The following PTPN22 variants were observed in gnomAD, a reference collection of about 807,000 sequenced individuals.
The protein encoded by PTPN22 is protein tyrosine phosphatase non-receptor type 22, also known as tyrosine-protein phosphatase non-receptor type 22.
PTPN22 carries 85 observed loss-of-function variants against 103.3 expected under a neutral mutation model. The observed-to-expected ratio is 0.82, with a 90% confidence interval of 0.69 to 0.99. The LOEUF (loss-of-function observed/expected upper bound fraction) is 0.99, where lower values mean the gene tolerates loss of function less well. PTPN22 is among the 50% of genes least tolerant of loss of function. PTPN22 has a pLI of 0.00. For missense variants in PTPN22, 865 were observed against 936.9 expected (o/e 0.92, Z 1.00); for synonymous variants, 323 against 310.2 (o/e 1.04, Z -0.43).
chr1:113,861,110 C>T (rs1323727379), intron 1 of PTPN22, among the ~76,000 whole-genome samples: 1 of 152,180 alleles, frequency 6.6e-6, no homozygotes, highest in East Asian at 1.9e-4. Context: ...AGCAAAACAT[C>T]ACACAGGAAA....
chr1:113,855,088 G>A lies in PTPN22; in HGVS notation c.541-39C>T, dbSNP rs781455272. 10 of 1,552,112 alleles carry A rather than the reference G, an allele frequency of 6.4e-6. No homozygotes were observed. The Admixed American group carries it at 1.7e-4, about 26-fold the overall frequency. ...CCAGATGGGAGGGGAAGAGGGGCAA[G>A]GGCTGAAAAACCACCTATTGGGTAT... is the stretch of plus-strand genomic sequence containing the variant. On this transcript the variant is annotated intron_variant, in intron 7 of 20. Transcript: ENST00000359785.
intron 1 of PTPN22, among the ~76,000 whole-genome samples, chr1:113,868,220 T>A (rs1190227503): frequency 1.3e-5 from 2 of 152,144 alleles, no homozygotes; most frequent in African/African-American, 4.8e-5. Context: ...GAGACTGAAA[T>A]CTGAACCATG....
At chr1:113,844,504 T>C (rs1663880433) in intron 11 of PTPN22, among the ~76,000 whole-genome samples, 2 of 152,174 alleles carry the variant, frequency 1.3e-5, no homozygotes, top group Admixed American at 1.3e-4. Flanking sequence ...TCTATTATTG[T>C]TTCCAATTTC....
chr1:113,862,254 G>A (rs1665678734), intron 1 of PTPN22, among the ~76,000 whole-genome samples: 1 of 152,062 alleles, frequency 6.6e-6, no homozygotes, highest in Non-Finnish European at 1.5e-5. Flanking sequence ...CTGCACTCCA[G>A]CCTGGGTGAC....
At chr1:113,853,639 A>T (rs1379884217) in intron 9 of PTPN22, among the ~76,000 whole-genome samples, 1 of 151,004 alleles carries the variant, frequency 6.6e-6, no homozygotes, top group Non-Finnish European at 1.5e-5. Context: ...GTGAGCCACC[A>T]TGCCCGGCCA....
chr1:113,838,449 A>G (rs1206968655), intron 12 of PTPN22, 42 bp from the exon 13 acceptor site: 2 of 1,584,902 alleles, frequency 1.3e-6, no homozygotes, highest in East Asian at 2.2e-5. Flanking sequence ...CATACCCCAA[A>G]CAGGCCGCTT....
rs747079113 is a variant in PTPN22, at chr1:113,819,575, A to T, written c.2359+2T>A. Reference sequence around the variant, plus strand: ...AACTCTTCAGTAAAATAACACACATACCAAAATTCAGAAATGAGCTGGAGT... The same window carrying T: ...AACTCTTCAGTAAAATAACACACATTCCAAAATTCAGAAATGAGCTGGAGT... On this transcript the variant is annotated splice_donor_variant, in intron 20 of 20. Coordinates refer to ENST00000359785, the Ensembl canonical transcript of PTPN22. LOFTEE classifies it high-confidence loss of function. 5.6e-6 allele frequency: 9 copies of T among 1,595,914 alleles called. No homozygotes were observed. In the East Asian group the frequency reaches 1.8e-4, roughly 32 times the overall value.
chr1:113,864,078 T>C (rs1041092780), intron 1 of PTPN22: 1 of 334,948 alleles, frequency 3.0e-6, no homozygotes. Flanking sequence ...ACCATTGCAC[T>C]CTGGTCTGGG....
At chr1:113,858,027 T>C (rs1665226207) in intron 4 of PTPN22, 1 of 296,780 alleles carries the variant, frequency 3.4e-6, no homozygotes, top group African/African-American at 2.2e-5. Flanking sequence ...GTAAGAACTT[T>C]CTCATTTTTA....
At chr1:113,857,958 C>T (rs1665219855) in intron 4 of PTPN22, 182 bp from the exon 5 acceptor site, 1 of 487,378 alleles carries the variant, frequency 2.1e-6, no homozygotes, top group East Asian at 3.5e-5. Context: ...TTCATTCTGA[C>T]AATACTTCCC....
rs140093267 is a variant in PTPN22 at position 113,839,250 on chromosome 1, T to C, written c.916-630A>G. On this transcript the variant is annotated intron_variant, in intron 11 of 20. Transcript: ENST00000359785. ...TTCCCCTGTCCAGCCATGCTCAATCTTCTTCTTTTTTAAGAGACAGGGCCT... is the reference window on the plus strand; with the variant it reads ...TTCCCCTGTCCAGCCATGCTCAATCCTCTTCTTTTTTAAGAGACAGGGCCT... Among the ~76,000 whole-genome samples, 4 of 152,218 alleles carry C rather than the reference T, an allele frequency of 2.6e-5. No homozygotes were observed. In the East Asian group the frequency reaches 7.7e-4, roughly 29 times the overall value.
intron 7 of PTPN22, among the ~76,000 whole-genome samples, chr1:113,855,660 C>T (rs1365450735): frequency 3.9e-5 from 6 of 152,240 alleles, no homozygotes; most frequent in South Asian, 2.1e-4. Context: ...CCGGTTTCTT[C>T]TCTATAGATC....
chr1:113,845,296 G>A (rs889324353), intron 11 of PTPN22, among the ~76,000 whole-genome samples: 13 of 150,802 alleles, frequency 8.6e-5, no homozygotes, highest in African/African-American at 2.7e-4. Context: ...TACCAGGTTC[G>A]GGTTCAAGTG....
intron 9 of PTPN22, 90 bp downstream of exon 9, chr1:113,854,381 T>C (rs766521060): frequency 1.7e-6 from 2 of 1,186,518 alleles, no homozygotes; most frequent in South Asian, 1.3e-5. Flanking sequence ...AGATGAATCA[T>C]GAAGATAGAT....
intron 17 of PTPN22, 77 bp from the exon 18 acceptor site, chr1:113,829,784 T>A: frequency 8.0e-7 from 1 of 1,244,868 alleles, no homozygotes; most frequent in Non-Finnish European, 1.1e-6. Flanking sequence ...AATAAATTGT[T>A]AGCTTGGCTT....
chr1:113,836,344 A>G (rs1369002939), intron 13 of PTPN22, among the ~76,000 whole-genome samples: 1 of 152,182 alleles, frequency 6.6e-6, no homozygotes, highest in Non-Finnish European at 1.5e-5. Context: ...ACAGAACAAT[A>G]TGCATTATAT....
chr1:113,854,864 ATTTGGTTCAT>A, intron 8 of PTPN22, 33 bp downstream of exon 8: 1 of 1,587,298 alleles, frequency 6.3e-7, no homozygotes, highest in East Asian at 2.2e-5. Context: ...AGACTCTGAC[ATTTGGTTCAT>A]TTTGGGTAGA....
In PTPN22 at chr1:113,858,619, T is replaced by C. The variant is rs200064181; in HGVS notation, c.274-46A>G. 316 of 1,159,806 alleles carry C rather than the reference T, an allele frequency of 2.7e-4. No individual in the cohort carries two copies. The African/African-American group carries it at 4.7e-3, about 17-fold the overall frequency. The allele number at this position is 1,159,806 out of a possible 1,614,324, so 71.8% of individuals were successfully genotyped here. Reference sequence around the variant, plus strand: ...CACGGGGTGACTACAAATAATACCCTGTTCTCACCTAGTCCTCCGCTTCCT... The same window carrying C: ...CACGGGGTGACTACAAATAATACCCCGTTCTCACCTAGTCCTCCGCTTCCT... On this transcript the variant is annotated intron_variant, in intron 3 of 20. Transcript: ENST00000359785.
chr1:113,830,000 G>A (rs1311657378), exon 17 of PTPN22: 4 of 1,607,324 alleles, frequency 2.5e-6, no homozygotes, highest in Non-Finnish European at 3.4e-6. Flanking sequence ...GGGAGAGGAG[G>A]TGGGGGAGAA....
Sources: gnomAD v4.1 joint callset for allele counts (sites outside exome capture counted in the v4.1 genomes callset) on GRCh38, gnomAD v4.1.1 for gene constraint, MANE v1.5 for transcripts, NCBI Gene and HGNC (gene_info 2026-07-23, HGNC 2026-07-21) for gene names.